Variants in CREB1 observed in about 807,000 individuals in gnomAD.
CREB1 encodes cAMP responsive element binding protein 1, also known as cyclic AMP-responsive element-binding protein 1.
Under a neutral mutation model 42.0 loss-of-function variants are expected in CREB1, and 2 were observed. That is an observed-to-expected ratio of 0.05 (90% CI 0.02 to 0.15). The LOEUF is 0.15. Among genes scored for constraint, CREB1 ranks in the 10% least tolerant of loss-of-function variants. The probability of loss-of-function intolerance (pLI) is 1.00; values close to 1 mark genes in which losing one functional copy is unlikely to be tolerated. For synonymous variants in CREB1, 123 were observed against 139.9 expected (o/e 0.88, Z 0.85); for missense variants, 199 against 388.9 (o/e 0.51, Z 4.11).
chr2:207,540,668 G>GT (rs1491091364), intron 1 of CREB1, among the ~76,000 whole-genome samples: 1 of 1,886 alleles, frequency 5.3e-4, no homozygotes, highest in African/African-American at 9.2e-4. Context: ...AGTTTAAAAA[G>GT]TAAAAAAAAA....
intron 3 of CREB1, 117 bp downstream of exon 3, chr2:207,560,489 G>T: frequency 1.0e-6 from 1 of 965,646 alleles, no homozygotes; most frequent in South Asian, 1.9e-5. Context: ...TTTATTCACA[G>T]TATAGGAATA....
chr2:207,598,995 G>T lies in CREB1; in HGVS notation c.*1937G>T, dbSNP rs56325368. The T allele has an allele frequency of 5.4e-6, 1 of 184,914 alleles. No homozygotes were observed. Among genetic ancestry groups the T allele is most frequent in the African/African-American group, 2.3e-5 (1 of 42,560 alleles). The allele number at this position is 184,914 out of a possible 1,614,324, so 11.5% of individuals were successfully genotyped here. A position where few individuals can be genotyped will look rare whatever the true frequency, so the allele number is the denominator to read the frequency against. On this transcript the variant is annotated 3_prime_UTR_variant, in exon 8 of 8. Transcript: ENST00000353267. ...AAATATGAAGATTTAAGTGTTAATT[G>T]CTGGATCCATTTTAAAATAAGATTT... is the stretch of plus-strand genomic sequence containing the variant.
rs1335669476 is a variant in CREB1 at position 207,599,086 on chromosome 2, CAG to C, written c.*2031_*2032del. The C allele has an allele frequency of 7.4e-5, 14 of 189,126 alleles. No homozygotes were observed. Among genetic ancestry groups the C allele is most frequent in the African/African-American group, 1.6e-4 (7 of 42,812 alleles). 11.7% of individuals were successfully genotyped at this position (189,126 alleles called of 1,614,324 possible). A position where few individuals can be genotyped will look rare whatever the true frequency, so the allele number is the denominator to read the frequency against. On this transcript the variant is annotated 3_prime_UTR_variant, in exon 8 of 8. Coordinates refer to ENST00000353267, the MANE Select transcript of CREB1 (RefSeq NM_004379.5). Reference sequence around the variant, plus strand: ...ACCATTGTCTTTTTTCAAGGATGAACAGAGTTTATGAAGGAGCATCATTCTAA... The same window carrying C: ...ACCATTGTCTTTTTTCAAGGATGAACAGTTTATGAAGGAGCATCATTCTAA...
At chr2:207,581,343 C>T (rs2082931996) in intron 7 of CREB1, 1 of 199,068 alleles carries the variant, frequency 5.0e-6, no homozygotes, top group East Asian at 8.0e-5. Flanking sequence ...CAACTATATA[C>T]AACTAGCCAT....
chr2:207,583,516 T>G (rs1357074270), intron 7 of CREB1, among the ~76,000 whole-genome samples: 15 of 152,236 alleles, frequency 9.9e-5, no homozygotes. Context: ...TTTTTGTTTT[T>G]GGCCTAATAG....
chr2:207,544,577 A>AG (rs1283355657), intron 1 of CREB1, among the ~76,000 whole-genome samples: 1 of 152,124 alleles, frequency 6.6e-6, no homozygotes, highest in Non-Finnish European at 1.5e-5. Context: ...TTTTAAGTTC[A>AG]GGGGTACATG....
At chr2:207,584,213 A>G (rs994638674) in intron 7 of CREB1, among the ~76,000 whole-genome samples, 2 of 152,222 alleles carry the variant, frequency 1.3e-5, no homozygotes, top group African/African-American at 2.4e-5. Context: ...TGTATATTTA[A>G]CTTTTTAAAT....
intron 7 of CREB1, among the ~76,000 whole-genome samples, chr2:207,578,482 A>G (rs1486034918): frequency 4.6e-5 from 7 of 152,214 alleles, no homozygotes; most frequent in Non-Finnish European, 2.9e-5. Flanking sequence ...TCCAAGTCCT[A>G]GCCCTATCCC....
chr2:207,582,951 C>A (rs1486256308), intron 7 of CREB1: 2 of 172,104 alleles, frequency 1.2e-5, no homozygotes, highest in Non-Finnish European at 1.3e-5. Flanking sequence ...ACACATACAC[C>A]TTCATATATG....
intron 5 of CREB1, among the ~76,000 whole-genome samples, chr2:207,574,150 T>C (rs1327629076): frequency 1.3e-5 from 2 of 152,260 alleles, no homozygotes; most frequent in African/African-American, 4.8e-5. Flanking sequence ...CAATTTTCCA[T>C]GTACAGATGT....
At position 207,597,546 on chromosome 2, in the gene CREB1, T is replaced by C; in HGVS notation, c.*488T>C. On this transcript the variant is annotated 3_prime_UTR_variant, in exon 8 of 8. Coordinates refer to ENST00000353267, the MANE Select transcript of CREB1 (RefSeq NM_004379.5). ...TTGACATGTTGTCACATTCTCATTG[T>C]GAATTATGTAAAGTTGTTAAGAGAC... 4.7e-6 allele frequency: 1 copy of C among 212,624 alleles called. No homozygotes were observed. Among genetic ancestry groups the C allele is most frequent in the Non-Finnish European group, 9.5e-6 (1 of 104,922 alleles). The allele number at this position is 212,624 out of a possible 1,614,324, so 13.2% of individuals were successfully genotyped here.
At chr2:207,590,083 G>GTTTTTTTT (rs59126515) in intron 7 of CREB1, among the ~76,000 whole-genome samples, 1 of 76,152 alleles carries the variant, frequency 1.3e-5, no homozygotes, top group African/African-American at 4.8e-5. Flanking sequence ...ATTTTGAGAA[G>GTTTTTTTT]TTTTTTTTTT....
intron 7 of CREB1, among the ~76,000 whole-genome samples, chr2:207,583,124 A>C (rs991308204): frequency 6.6e-6 from 1 of 152,160 alleles, no homozygotes; most frequent in Non-Finnish European, 1.5e-5. Flanking sequence ...ATTAAATATT[A>C]TAAGTAATCT....
chr2:207,596,108 G>A (rs753519025), intron 7 of CREB1, among the ~76,000 whole-genome samples: 12 of 152,114 alleles, frequency 7.9e-5, no homozygotes, highest in South Asian at 2.1e-4. Flanking sequence ...TAGGTCTTAC[G>A]GTTAGGTCTT....
chr2:207,575,712 G>A (rs1309803868), intron 6 of CREB1, among the ~76,000 whole-genome samples: 1 of 152,104 alleles, frequency 6.6e-6, no homozygotes, highest in Admixed American at 6.6e-5. Context: ...AAACAGGATA[G>A]GTTAGAAGGA....
intron 1 of CREB1, among the ~76,000 whole-genome samples, chr2:207,535,227 T>G (rs1263099382): frequency 6.6e-6 from 1 of 152,214 alleles, no homozygotes; most frequent in Non-Finnish European, 1.5e-5. Flanking sequence ...TTTAAAAGTT[T>G]TAGTAAAATG....
rs576025518 is a variant in CREB1 at position 207,604,816 on chromosome 2, T to C, written c.*7758T>C. Among the ~76,000 whole-genome samples, 8 of 152,344 alleles carry C rather than the reference T, an allele frequency of 5.3e-5. No individual in the cohort carries two copies. In the South Asian group the frequency reaches 1.5e-3, roughly 28 times the overall value. On this transcript the variant is annotated 3_prime_UTR_variant, in exon 8 of 8. Transcript: ENST00000353267. Reference sequence around the variant, plus strand: ...TTTGGATTTACATCCGGGTATTTCATGTGAGACTCATACACTGTGTATTAC... The same window carrying C: ...TTTGGATTTACATCCGGGTATTTCACGTGAGACTCATACACTGTGTATTAC...
At chr2:207,543,911 G>GT (rs1051093444) in intron 1 of CREB1, among the ~76,000 whole-genome samples, 3 of 147,338 alleles carry the variant, frequency 2.0e-5, no homozygotes, top group South Asian at 2.2e-4. Flanking sequence ...GCCAAAATTT[G>GT]TTTTTTTGTT....
At chr2:207,582,023 TC>T in intron 7 of CREB1, 1 of 699,262 alleles carries the variant, frequency 1.4e-6, no homozygotes, top group South Asian at 1.5e-5. Context: ...TAACATCACA[TC>T]CGGGAGCACA....
Sources: allele counts gnomAD v4.1 joint callset (sites outside exome capture counted in the v4.1 genomes callset), GRCh38; gene constraint gnomAD v4.1.1; transcripts MANE v1.5; gene names NCBI Gene and HGNC (gene_info 2026-07-23, HGNC 2026-07-21).